SCN8A: variants seen among roughly 807,000 people sequenced by gnomAD.
SCN8A encodes sodium voltage-gated channel alpha subunit 8, also known as sodium channel protein type 8 subunit alpha.
SCN8A carries 30 observed loss-of-function variants against 184.1 expected under a neutral mutation model. That is an observed-to-expected ratio of 0.16 (90% CI 0.12 to 0.22). SCN8A has a LOEUF of 0.22. SCN8A is among the 10% of genes least tolerant of loss of function. The pLI, the probability that SCN8A is intolerant of heterozygous loss-of-function variation, is 1.00. For synonymous variants in SCN8A, 852 were observed against 907.0 expected (o/e 0.94, Z 1.09); for missense variants, 1,057 against 2,498.9 (o/e 0.42, Z 12.30).
At chr12:51,613,083 G>C (rs775349533) in intron 1 of SCN8A, among the ~76,000 whole-genome samples, 1 of 152,116 alleles carries the variant, frequency 6.6e-6, no homozygotes, top group Non-Finnish European at 1.5e-5. Context: ...ATATTGGTCT[G>C]TAGTTTTGTT....
chr12:51,746,497 G>A (rs377464579), intron 13 of SCN8A, among the ~76,000 whole-genome samples: 7 of 152,098 alleles, frequency 4.6e-5, no homozygotes, highest in East Asian at 1.9e-4. Flanking sequence ...AGAATGTACT[G>A]TGCGTTTTGA....
chr12:51,625,439 C>T (rs1018008759), intron 1 of SCN8A, among the ~76,000 whole-genome samples: 3 of 152,128 alleles, frequency 2.0e-5, no homozygotes, highest in African/African-American at 7.2e-5. Flanking sequence ...TTGTTGCTTC[C>T]AGTTTTGGAT....
At chr12:51,663,448 G>C (rs1037204120) in intron 2 of SCN8A, among the ~76,000 whole-genome samples, 12 of 152,192 alleles carry the variant, frequency 7.9e-5, no homozygotes, top group Admixed American at 7.2e-4. Flanking sequence ...TTAATATAAA[G>C]ATGTTGTTAC....
intron 12 of SCN8A, among the ~76,000 whole-genome samples, chr12:51,736,887 G>A (rs1436551759): frequency 6.6e-6 from 1 of 152,208 alleles, no homozygotes; most frequent in Non-Finnish European, 1.5e-5. Flanking sequence ...CTGAAGTATA[G>A]GGCGTCTGAA....
intron 11 of SCN8A, chr12:51,713,529 A>G (rs1363610752): frequency 5.3e-6 from 4 of 752,124 alleles, no homozygotes; most frequent in African/African-American, 3.4e-5. Context: ...CCTTTGGGTC[A>G]TGGCCCTCTT....
chr12:51,773,876 G>A (rs913960484), intron 19 of SCN8A, among the ~76,000 whole-genome samples: 1 of 152,154 alleles, frequency 6.6e-6, no homozygotes, highest in South Asian at 2.1e-4. Context: ...TGGGGGTTTA[G>A]GGGGTGATAG....
intron 24 of SCN8A, 54 bp from the exon 25 acceptor site, chr12:51,790,344 C>CTTAGGTCCA: frequency 7.7e-7 from 1 of 1,299,886 alleles, no homozygotes; most frequent in Middle Eastern, 1.8e-4. Flanking sequence ...GGTCCAAACC[C>CTTAGGTCCA]ATAGCATGTT....
chr12:51,791,791 A>AT (rs1470388472), intron 25 of SCN8A, among the ~76,000 whole-genome samples: 1 of 152,134 alleles, frequency 6.6e-6, no homozygotes, highest in African/African-American at 2.4e-5. Flanking sequence ...AGGTAAGAGA[A>AT]TTGCTTGAGC....
intron 14 of SCN8A, among the ~76,000 whole-genome samples, chr12:51,752,598 C>T (rs531301315): frequency 2.0e-5 from 3 of 152,332 alleles, no homozygotes; most frequent in African/African-American, 7.2e-5. Context: ...TTTCCAGTCT[C>T]CATGTCTGTG....
intron 12 of SCN8A, among the ~76,000 whole-genome samples, chr12:51,735,645 G>C (rs979659828): frequency 1.3e-5 from 2 of 152,178 alleles, no homozygotes; most frequent in Non-Finnish European, 2.9e-5. Context: ...ATCTCTGACA[G>C]CTTCTTGATC....
At chr12:51,719,936 C>T (rs1466274652) in intron 11 of SCN8A, among the ~76,000 whole-genome samples, 1 of 151,706 alleles carries the variant, frequency 6.6e-6, no homozygotes, top group East Asian at 1.9e-4. Flanking sequence ...ATTAGCCGGG[C>T]GTGGTAGCGG....
intron 2 of SCN8A, among the ~76,000 whole-genome samples, chr12:51,683,072 C>T (rs1287941724): frequency 1.3e-5 from 2 of 152,058 alleles, no homozygotes; most frequent in East Asian, 3.8e-4. Flanking sequence ...TTTTTTATTT[C>T]CCAGCCAAGG....
chr12:51,786,116 GTGA>G, intron 21 of SCN8A, among the ~76,000 whole-genome samples: 2 of 152,168 alleles, frequency 1.3e-5, no homozygotes, highest in Admixed American at 1.3e-4. Context: ...GTAGTTCTCT[GTGA>G]TTTTGAACAA....
chr12:51,661,031 G>T (rs1359668000), intron 1 of SCN8A, among the ~76,000 whole-genome samples: 1 of 152,194 alleles, frequency 6.6e-6, no homozygotes, highest in Non-Finnish European at 1.5e-5. Flanking sequence ...AACTATTCCT[G>T]TTAGGGAGTA....
At chr12:51,772,459 G>A (rs1247756216) in intron 19 of SCN8A, among the ~76,000 whole-genome samples, 1 of 151,898 alleles carries the variant, frequency 6.6e-6, no homozygotes, top group African/African-American at 2.4e-5. Context: ...ACTAGAACGT[G>A]GTTACAATGG....
chr12:51,618,994 G>C (rs893623517), intron 1 of SCN8A, among the ~76,000 whole-genome samples: 1 of 152,142 alleles, frequency 6.6e-6, no homozygotes, highest in Non-Finnish European at 1.5e-5. Flanking sequence ...GTCTTCCTCA[G>C]TTACCTACCT....
At chr12:51,615,457 G>A (rs2138585557) in intron 1 of SCN8A, among the ~76,000 whole-genome samples, 1 of 152,254 alleles carries the variant, frequency 6.6e-6, no homozygotes, top group Admixed American at 6.5e-5. Flanking sequence ...TGGAGGCTGG[G>A]GTGAAGGATT....
At chr12:51,645,948 A>AT (rs1940576315) in intron 1 of SCN8A, among the ~76,000 whole-genome samples, 5 of 40,358 alleles carry the variant, frequency 1.2e-4, no homozygotes, top group East Asian at 2.4e-3. Flanking sequence ...AGAATGATCA[A>AT]TTAAAAAAAA....
chr12:51,621,189 A>G (rs1029151843), intron 1 of SCN8A, among the ~76,000 whole-genome samples: 1 of 152,198 alleles, frequency 6.6e-6, no homozygotes, highest in Non-Finnish European at 1.5e-5. Flanking sequence ...CTTAGGTGCT[A>G]TATCGTTTGC....
Sources: gnomAD v4.1 joint callset for allele counts (sites outside exome capture counted in the v4.1 genomes callset) on GRCh38, gnomAD v4.1.1 for gene constraint, MANE v1.5 for transcripts, NCBI Gene and HGNC (gene_info 2026-07-23, HGNC 2026-07-21) for gene names.